The following TENT5C variants were observed in gnomAD, a reference collection of about 807,000 sequenced individuals.
TENT5C encodes the protein terminal nucleotidyltransferase 5C.
Under a neutral mutation model 22.2 loss-of-function variants are expected in TENT5C, and 5 were observed. The observed-to-expected ratio is 0.22, with a 90% CI of 0.12 to 0.47. TENT5C has a LOEUF of 0.47. Among genes scored for constraint, TENT5C ranks in the 20% least tolerant of loss-of-function variants. TENT5C has a pLI of 0.99. For missense variants in TENT5C, 364 were observed against 500.9 expected (o/e 0.73, Z 2.61); for synonymous variants, 199 against 195.4 (o/e 1.02, Z -0.15).
chr1:117,620,026 C>T (rs977325308), intron 1 of TENT5C, among the ~76,000 whole-genome samples: 4 of 152,142 alleles, frequency 2.6e-5, no homozygotes, highest in African/African-American at 9.7e-5. Flanking sequence ...AAAACAAATT[C>T]TAACTTTGAG....
intron 1 of TENT5C, among the ~76,000 whole-genome samples, chr1:117,614,711 A>G (rs955763274): frequency 6.6e-6 from 1 of 152,180 alleles, no homozygotes; most frequent in African/African-American, 2.4e-5. Context: ...GAGTCTCAGT[A>G]ATTGTTCCTT....
At chr1:117,609,780 C>T (rs1653625829) in intron 1 of TENT5C, among the ~76,000 whole-genome samples, 1 of 152,224 alleles carries the variant, frequency 6.6e-6, no homozygotes, top group Admixed American at 6.5e-5. Flanking sequence ...GCTGGCCTGG[C>T]ACACAGAAGG....
At chr1:117,619,725 T>TC (rs1188584114) in intron 1 of TENT5C, among the ~76,000 whole-genome samples, 1 of 152,164 alleles carries the variant, frequency 6.6e-6, no homozygotes, top group Non-Finnish European at 1.5e-5. Flanking sequence ...AGGGAGTCCT[T>TC]CATTTTTTTC....
At position 117,608,371 on chromosome 1, in the gene TENT5C, G is replaced by A. The variant is rs568042774; in HGVS notation, c.-28+2218G>A. ...GCACAAGTAGCCACTGAAATCTCCC[G>A]AGTTCCAGAGGCCCGTCCCCCCTCA... On this transcript the variant is annotated intron_variant, in intron 1 of 1. Coordinates refer to ENST00000369448, the MANE Select transcript of TENT5C (RefSeq NM_017709.4). Among the ~76,000 whole-genome samples the A allele has an allele frequency of 2.9e-3, 442 of 152,192 alleles. 2 individuals carry two copies. Among genetic ancestry groups the A allele is most frequent in the African/African-American group, 8.7e-3 (360 of 41,522 alleles).
chr1:117,607,897 A>C (rs1341328998), intron 1 of TENT5C, among the ~76,000 whole-genome samples: 1 of 152,170 alleles, frequency 6.6e-6, no homozygotes, highest in Non-Finnish European at 1.5e-5. Flanking sequence ...GTTTGTGAAG[A>C]TGGAAAATGA....
At chr1:117,615,329 A>G (rs903881388) in intron 1 of TENT5C, among the ~76,000 whole-genome samples, 8 of 152,158 alleles carry the variant, frequency 5.3e-5, no homozygotes, top group African/African-American at 1.9e-4. Context: ...CTTAAATTCC[A>G]TTTCTGCTAC....
chr1:117,624,312 A>C lies in TENT5C; in HGVS notation c.*268A>C. The C allele has an allele frequency of 2.2e-6, 1 of 458,720 alleles. No homozygotes were observed. Among genetic ancestry groups the C allele is most frequent in the Non-Finnish European group, 4.0e-6 (1 of 251,518 alleles). The allele number at this position is 458,720 out of a possible 1,614,324, so 28.4% of individuals were successfully genotyped here. A position where few individuals can be genotyped will look rare whatever the true frequency, so the allele number is the denominator to read the frequency against. The stretch of plus-strand genomic sequence containing the variant: ...CCACATCTTTCCAAGATAGACACTA[A>C]CATGTCATGTCCCAAACATTAGCAC... On this transcript the variant is annotated 3_prime_UTR_variant, in exon 2 of 2. Coordinates refer to ENST00000369448, the MANE Select transcript of TENT5C (RefSeq NM_017709.4).
intron 1 of TENT5C, among the ~76,000 whole-genome samples, chr1:117,622,372 A>G (rs1184299096): frequency 6.6e-6 from 1 of 150,914 alleles, no homozygotes; most frequent in African/African-American, 2.4e-5. Flanking sequence ...TGTGTGTTGT[A>G]TATTCTGTGT....
chr1:117,611,083 A>G (rs900501744), intron 1 of TENT5C, among the ~76,000 whole-genome samples: 4 of 152,250 alleles, frequency 2.6e-5, no homozygotes, highest in East Asian at 3.9e-4. Context: ...CTGATCCCCA[A>G]ACACACTCTG....
rs973769518 is a variant in TENT5C at position 117,628,350 on chromosome 1, G to C, written c.*4306G>C. 36 of 239,644 alleles carry C rather than the reference G, an allele frequency of 1.5e-4. No homozygotes were observed. Among genetic ancestry groups the C allele is most frequent in the Non-Finnish European group, 2.6e-4 (30 of 113,226 alleles). The allele number at this position is 239,644 out of a possible 1,614,324, so 14.8% of individuals were successfully genotyped here. A position where few individuals can be genotyped will look rare whatever the true frequency, so the allele number is the denominator to read the frequency against. ...AAAGCTTTGAGTTTGAGAAATAAAG[G>C]TATATTTAAAATTTAAATAAAACTT... is the stretch of plus-strand genomic sequence containing the variant. On this transcript the variant is annotated 3_prime_UTR_variant, in exon 2 of 2. Transcript: ENST00000369448.
At position 117,626,295 on chromosome 1, in the gene TENT5C, C is replaced by T. The variant is rs1020915396; in HGVS notation, c.*2251C>T. ...GGGGTTCTTTCTGCTTATGTTTTTT[C>T]CCCCCCATCTGGTAATAGTCCTCTT... On this transcript the variant is annotated 3_prime_UTR_variant, in exon 2 of 2. Transcript: ENST00000369448. 21 of 247,396 alleles carry T rather than the reference C, an allele frequency of 8.5e-5. 1 individual carries two copies. The highest frequency in any genetic ancestry group is 2.3e-4 in the Admixed American group (4 of 17,750). 15.3% of individuals were successfully genotyped at this position (247,396 alleles called of 1,614,324 possible).
At chr1:117,606,606 G>A (rs887122077) in intron 1 of TENT5C, among the ~76,000 whole-genome samples, 2 of 152,138 alleles carry the variant, frequency 1.3e-5, no homozygotes, top group Admixed American at 1.3e-4. Context: ...CCTCGGGCTC[G>A]CCCCGGCGCT....
chr1:117,612,690 G>A (rs887299174), intron 1 of TENT5C, among the ~76,000 whole-genome samples: 3 of 152,220 alleles, frequency 2.0e-5, no homozygotes, highest in African/African-American at 4.8e-5. Flanking sequence ...AACTATGCAC[G>A]TAATTAGCAT....
intron 1 of TENT5C, among the ~76,000 whole-genome samples, chr1:117,614,841 C>G (rs1653747510): frequency 6.6e-6 from 1 of 152,204 alleles, no homozygotes; most frequent in African/African-American, 2.4e-5. Flanking sequence ...GGCGACTGTG[C>G]AGCACCTTCC....
intron 1 of TENT5C, among the ~76,000 whole-genome samples, chr1:117,614,671 A>G (rs576156547): frequency 6.6e-6 from 1 of 152,096 alleles, no homozygotes; most frequent in Admixed American, 6.5e-5. Flanking sequence ...TCATCAGCCT[A>G]TCAACACTCT....
In TENT5C at chr1:117,614,627, G is replaced by A. The variant is rs184519912; in HGVS notation, c.-27-8215G>A. Among the ~76,000 whole-genome samples the A allele has an allele frequency of 1.3e-4, 20 of 152,234 alleles. 1 individual carries two copies. In the East Asian group the frequency reaches 3.5e-3, roughly 26 times the overall value. ...GCTTCTTTGATCTGAGAAGGTTGCCGTCTCGACTGTAGCTAGTGTCCTGTT... is the reference window on the plus strand; with the variant it reads ...GCTTCTTTGATCTGAGAAGGTTGCCATCTCGACTGTAGCTAGTGTCCTGTT... On this transcript the variant is annotated intron_variant, in intron 1 of 1. Transcript: ENST00000369448.
At position 117,622,997 on chromosome 1, in the gene TENT5C, C is replaced by T. The variant is rs1362519142; in HGVS notation, c.129C>T (p.Thr43=). 1 of 1,614,202 alleles carries T rather than the reference C, an allele frequency of 6.2e-7. No homozygotes were observed. The highest frequency in any genetic ancestry group is 8.5e-7 in the Non-Finnish European group (1 of 1,180,030). ...VPIHGRGNFP[T]LEITLKDIVQ... is the part of the protein sequence containing the mutation. ...TCCACGGACGAGGCAACTTTCCAACCTTGGAGATAACTCTGAAGGACATCG... is the reference window on the plus strand; with the variant it reads ...TCCACGGACGAGGCAACTTTCCAACTTTGGAGATAACTCTGAAGGACATCG... The change falls in exon 2 of 2, where the codon ACC becomes ACT. Residue 43 remains threonine, a synonymous_variant. Transcript: ENST00000369448.
At chr1:117,617,866 CTAAG>C (rs1468641657) in intron 1 of TENT5C, among the ~76,000 whole-genome samples, 2 of 152,212 alleles carry the variant, frequency 1.3e-5, no homozygotes, top group Non-Finnish European at 2.9e-5. Context: ...CAATGTTTGT[CTAAG>C]TAACTTTAAA....
In TENT5C at chr1:117,627,196, T is replaced by C; in HGVS notation, c.*3152T>C. The C allele has an allele frequency of 4.0e-6, 1 of 248,208 alleles. No homozygotes were observed. The allele number at this position is 248,208 out of a possible 1,614,324, so 15.4% of individuals were successfully genotyped here. ...AGATGTAGTTTGGCATTTCAGTTTTTGTCCAGTTTGATTTTCACTGGGGTT... is the reference window on the plus strand; with the variant it reads ...AGATGTAGTTTGGCATTTCAGTTTTCGTCCAGTTTGATTTTCACTGGGGTT... On this transcript the variant is annotated 3_prime_UTR_variant, in exon 2 of 2. Coordinates refer to ENST00000369448, the MANE Select transcript of TENT5C (RefSeq NM_017709.4).
Sources: allele counts gnomAD v4.1 joint callset (sites outside exome capture counted in the v4.1 genomes callset), GRCh38; gene constraint gnomAD v4.1.1; transcripts MANE v1.5; gene names NCBI Gene and HGNC (gene_info 2026-07-23, HGNC 2026-07-21).